LYN: variants seen among roughly 807,000 people sequenced by gnomAD.
The protein encoded by LYN is LYN proto-oncogene, Src family tyrosine kinase.
Under a neutral mutation model 65.0 loss-of-function variants are expected in LYN, and 12 were observed. That is an observed-to-expected ratio of 0.18 (90% confidence interval 0.12 to 0.30). The LOEUF is 0.30. Among genes scored for constraint, LYN ranks in the 10% least tolerant of loss-of-function variants. LYN has a pLI of 1.00. For synonymous variants in LYN, 222 were observed against 221.2 expected (o/e 1.00, Z -0.03); for missense variants, 380 against 623.2 (o/e 0.61, Z 4.16).
chr8:55,887,400 A>C (rs1485542097), intron 1 of LYN, among the ~76,000 whole-genome samples: 1 of 152,046 alleles, frequency 6.6e-6, no homozygotes, highest in African/African-American at 2.4e-5. Flanking sequence ...CAATTTTTAT[A>C]CTAAGATCTT....
intron 1 of LYN, among the ~76,000 whole-genome samples, chr8:55,933,690 A>C (rs72651490): frequency 0.11 from 17,180 of 152,282 alleles, 1,245 homozygotes; most frequent in Middle Eastern, 0.29. Context: ...CCTGAGTTCA[A>C]CACTGTCTCA....
intron 12 of LYN, among the ~76,000 whole-genome samples, chr8:56,001,923 A>T (rs1237362719): frequency 1.3e-5 from 2 of 152,060 alleles, no homozygotes; most frequent in Non-Finnish European, 2.9e-5. Context: ...GCCTCCCAAG[A>T]CCCCTCAGCC....
intron 10 of LYN, among the ~76,000 whole-genome samples, chr8:55,979,761 C>A (rs544832386): frequency 6.6e-6 from 1 of 152,328 alleles, no homozygotes; most frequent in Admixed American, 6.5e-5. Flanking sequence ...TGTGTCTGGG[C>A]TCCTTGGTAT....
chr8:55,973,099 A>T (rs1807655993), intron 10 of LYN, among the ~76,000 whole-genome samples: 1 of 152,082 alleles, frequency 6.6e-6, no homozygotes, highest in Non-Finnish European at 1.5e-5. Flanking sequence ...CAGAGTTGGG[A>T]CTTTTCCCAC....
At chr8:55,921,786 A>G (rs1219581145) in intron 1 of LYN, among the ~76,000 whole-genome samples, 1 of 152,180 alleles carries the variant, frequency 6.6e-6, no homozygotes, top group Admixed American at 6.5e-5. Flanking sequence ...AGGAGTGTTG[A>G]TAGCAGTATT....
chr8:55,990,646 T>G (rs1808222027), intron 10 of LYN, among the ~76,000 whole-genome samples: 1 of 152,208 alleles, frequency 6.6e-6, no homozygotes, highest in South Asian at 2.1e-4. Flanking sequence ...TGGTTGGAAT[T>G]TGGTATCTTA....
intron 10 of LYN, among the ~76,000 whole-genome samples, chr8:55,988,099 T>C (rs1351173371): frequency 6.6e-6 from 1 of 152,224 alleles, no homozygotes; most frequent in Non-Finnish European, 1.5e-5. Context: ...CAAGAATGCA[T>C]GAGCTCTCTG....
At chr8:55,940,593 C>T (rs1484434775) in intron 1 of LYN, among the ~76,000 whole-genome samples, 2 of 152,302 alleles carry the variant, frequency 1.3e-5, no homozygotes, top group African/African-American at 4.8e-5. Flanking sequence ...CCAGGATGGT[C>T]TCCATCTCTT....
intron 10 of LYN, among the ~76,000 whole-genome samples, chr8:55,975,960 T>C (rs1453616779): frequency 6.6e-6 from 1 of 152,110 alleles, no homozygotes; most frequent in Non-Finnish European, 1.5e-5. Context: ...TGGTGGTGCT[T>C]TTGGCCTGCA....
intron 1 of LYN, among the ~76,000 whole-genome samples, chr8:55,937,722 T>G (rs1806476270): frequency 6.6e-6 from 1 of 152,214 alleles, no homozygotes; most frequent in South Asian, 2.1e-4. Context: ...TGATGGAGTC[T>G]TGCTCTGTCA....
At chr8:55,911,246 C>CAT (rs1805622669) in intron 1 of LYN, among the ~76,000 whole-genome samples, 1 of 5,112 alleles carries the variant, frequency 2.0e-4, no homozygotes, top group African/African-American at 4.2e-4. Flanking sequence ...TATATATATA[C>CAT]GTGTGTGTGT....
chr8:55,973,420 CT>C (rs1807664390), intron 10 of LYN, among the ~76,000 whole-genome samples: 1 of 152,144 alleles, frequency 6.6e-6, no homozygotes, highest in Non-Finnish European at 1.5e-5. Flanking sequence ...CAATTTAGTG[CT>C]TTTTGTGCTG....
chr8:55,926,272 T>C (rs1039888480), intron 1 of LYN, among the ~76,000 whole-genome samples: 1 of 152,230 alleles, frequency 6.6e-6, no homozygotes, highest in African/African-American at 2.4e-5. Context: ...TTTGTGTACC[T>C]GCTGCCCATC....
At chr8:55,950,367 A>G (rs534101879) in intron 4 of LYN, 92 bp from the exon 5 acceptor site, 1 of 840,488 alleles carries the variant, frequency 1.2e-6, no homozygotes, top group South Asian at 1.7e-5. Flanking sequence ...ATCTGTACAT[A>G]AATACATATT....
At chr8:55,905,764 C>T (rs1180974356) in intron 1 of LYN, among the ~76,000 whole-genome samples, 1 of 152,122 alleles carries the variant, frequency 6.6e-6, no homozygotes, top group Non-Finnish European at 1.5e-5. Context: ...ACCAAAACAG[C>T]GTTGCCTTGT....
chr8:56,002,996 G>A (rs1331227238), intron 12 of LYN, among the ~76,000 whole-genome samples: 2 of 151,852 alleles, frequency 1.3e-5, no homozygotes, highest in African/African-American at 2.4e-5. Flanking sequence ...GAGAATCCAC[G>A]ATGAATGGAA....
intron 10 of LYN, among the ~76,000 whole-genome samples, chr8:55,983,341 C>T (rs1341530068): frequency 6.6e-6 from 1 of 152,214 alleles, no homozygotes; most frequent in African/African-American, 2.4e-5. Flanking sequence ...CTTGTGCTCT[C>T]TTGCTGTTTC....
intron 10 of LYN, among the ~76,000 whole-genome samples, chr8:55,994,905 G>C (rs1433373345): frequency 6.6e-6 from 1 of 152,168 alleles, no homozygotes; most frequent in Non-Finnish European, 1.5e-5. Context: ...GTTTGAGCCA[G>C]GCATCGTGGT....
chr8:55,939,544 A>G (rs1806538504), intron 1 of LYN, among the ~76,000 whole-genome samples: 1 of 151,748 alleles, frequency 6.6e-6, no homozygotes, highest in Admixed American at 6.6e-5. Flanking sequence ...GGGGGGGGAC[A>G]GGGGATTCCC....
Sources: allele counts gnomAD v4.1 joint callset (sites outside exome capture counted in the v4.1 genomes callset), GRCh38; gene constraint gnomAD v4.1.1; transcripts MANE v1.5; gene names NCBI Gene and HGNC (gene_info 2026-07-23, HGNC 2026-07-21).